Variants in CELF5 observed in about 807,000 individuals in gnomAD.
The protein encoded by CELF5 is CUG-BP and ETR-3 like factor 5.
In CELF5, 6 loss-of-function variants were observed where a neutral mutation model predicts 54.9. The ratio of observed to expected loss-of-function variants is 0.11; its 90% CI spans 0.06 to 0.22. CELF5 has a LOEUF of 0.22. CELF5 is among the 10% of genes least tolerant of loss of function. CELF5 has a pLI of 1.00. For synonymous variants in CELF5, 271 were observed against 290.9 expected (o/e 0.93, Z 0.70); for missense variants, 401 against 678.6 (o/e 0.59, Z 4.54).
intron 9 of CELF5, among the ~76,000 whole-genome samples, chr19:3,285,648 C>T (rs12975068): frequency 8.6e-6 from 1 of 116,676 alleles, no homozygotes; most frequent in African/African-American, 3.1e-5. Context: ...CCCCTCCCCT[C>T]ACGCCATGGG....
At chr19:3,255,247 T>G (rs2079707937) in intron 2 of CELF5, among the ~76,000 whole-genome samples, 1 of 152,106 alleles carries the variant, frequency 6.6e-6, no homozygotes, top group Non-Finnish European at 1.5e-5. Context: ...TGCAGTGGCT[T>G]GATCTCAGCT....
In CELF5 at chr19:3,228,531, C is replaced by A. The variant is rs1917055837; in HGVS notation, c.259+3533C>A. On this transcript the variant is annotated intron_variant, in intron 1 of 12. Transcript: ENST00000292672. This position sits in a 1 kb window ranked among gnomAD's most constrained non-coding sequence, Gnocchi z 6.0. ...TGGTCCGCCGCTGCCACTGGGCCCC[C>A]CGTTTATGGTAATCGCATATACATT... 6.6e-6 allele frequency among the ~76,000 whole-genome samples: 1 copy of A among 152,174 alleles called. No individual in the cohort carries two copies. The highest frequency in any genetic ancestry group is 2.4e-5 in the African/African-American group (1 of 41,430).
intron 2 of CELF5, among the ~76,000 whole-genome samples, chr19:3,263,544 G>A (rs1429708322): frequency 1.3e-5 from 2 of 148,178 alleles, no homozygotes; most frequent in African/African-American, 5.0e-5. Context: ...CTGGGCGACA[G>A]AACAAGACAC....
At chr19:3,254,632 C>A (rs949479338) in intron 2 of CELF5, among the ~76,000 whole-genome samples, 24 of 151,492 alleles carry the variant, frequency 1.6e-4, no homozygotes, top group South Asian at 4.2e-4. Context: ...CATTACCTAC[C>A]CACCCACCCA....
chr19:3,241,521 G>T (rs2079491020), intron 1 of CELF5, among the ~76,000 whole-genome samples: 2 of 151,992 alleles, frequency 1.3e-5, no homozygotes, highest in South Asian at 2.1e-4. Flanking sequence ...TGTGCAGCAA[G>T]GCTGCACACC....
Position 3,281,074 on chromosome 19 carries a change from A to G in CELF5, c.604-125A>G, listed in dbSNP as rs1363936686. 2 of 1,174,716 alleles carry G rather than the reference A, an allele frequency of 1.7e-6. No individual in the cohort carries two copies. The highest frequency in any genetic ancestry group is 2.4e-6 in the Non-Finnish European group (2 of 823,986). 72.8% of individuals were successfully genotyped at this position (1,174,716 alleles called of 1,614,324 possible). ...GCTCCTGGGGTGGGGGCCCGTGGAC[A>G]TGGCTGACAGCCACTGGCATTACAC... On this transcript the variant is annotated intron_variant, in intron 5 of 12. Transcript: ENST00000292672. The surrounding 1 kb of genome is among the most constrained non-coding windows in gnomAD (Gnocchi z 6.5).
intron 1 of CELF5, among the ~76,000 whole-genome samples, chr19:3,237,244 G>A (rs1317197235): frequency 6.7e-6 from 1 of 148,260 alleles, no homozygotes; most frequent in Non-Finnish European, 1.5e-5. Context: ...CCTGGGAGGT[G>A]GAGCTTGCAG....
chr19:3,235,201 T>C (rs1917478004), intron 1 of CELF5, among the ~76,000 whole-genome samples: 1 of 152,190 alleles, frequency 6.6e-6, no homozygotes, highest in Admixed American at 6.5e-5. Context: ...GATACTCACA[T>C]AGCTCCTTCC....
At chr19:3,290,184 G>A (rs1249342715) in intron 10 of CELF5, 47 bp from the exon 11 acceptor site, 13 of 1,580,944 alleles carry the variant, frequency 8.2e-6, no homozygotes, top group East Asian at 4.5e-5. Context: ...GGGGGGGTTC[G>A]CCTCCTCTCC....
chr19:3,240,741 C>T (rs1418734447), intron 1 of CELF5, among the ~76,000 whole-genome samples: 2 of 152,000 alleles, frequency 1.3e-5, no homozygotes, highest in Non-Finnish European at 2.9e-5. Context: ...ACCAGGTTGC[C>T]TTCAGAGCGT....
intron 2 of CELF5, among the ~76,000 whole-genome samples, chr19:3,265,827 G>A (rs137929689): frequency 1.1e-4 from 16 of 151,600 alleles, no homozygotes; most frequent in African/African-American, 3.4e-4. Context: ...TTTTTTTTGA[G>A]ATGGAGTCTC....
chr19:3,277,032 T>C (rs2080067309), intron 4 of CELF5, among the ~76,000 whole-genome samples: 1 of 152,190 alleles, frequency 6.6e-6, no homozygotes, highest in Admixed American at 6.5e-5. Context: ...TGTCTGTCTG[T>C]CTATCTTCCT....
chr19:3,239,538 CT>C (rs1195566320), intron 1 of CELF5, among the ~76,000 whole-genome samples: 8,600 of 144,606 alleles, frequency 0.059, 779 homozygotes, highest in African/African-American at 0.2. Context: ...GCCCGGCTAA[CT>C]TTTTTTTTTT....
Position 3,282,548 on chromosome 19 carries a change from A to G in CELF5, c.1039+50A>G, listed in dbSNP as rs367736409. ...CCTAGGAGAGTGGTGGGGAATAAAG[A>G]TGGTGTTTCTGGAACAAGTATGAGT... On this transcript the variant is annotated intron_variant, in intron 8 of 12. Transcript: ENST00000292672. The surrounding 1 kb of genome is among the most constrained non-coding windows in gnomAD (Gnocchi z 5.2). The G allele has an allele frequency of 1.5e-4, 243 of 1,568,084 alleles. No homozygotes were observed. The highest frequency in any genetic ancestry group is 1.9e-4 in the Non-Finnish European group (220 of 1,158,310).
At chr19:3,248,685 A>G (rs368580500) in intron 1 of CELF5, among the ~76,000 whole-genome samples, 23 of 152,126 alleles carry the variant, frequency 1.5e-4, no homozygotes, top group African/African-American at 5.6e-4. Flanking sequence ...ATTGTTATAC[A>G]AATATCTCTG....
At chr19:3,276,008 G>T (rs1469694766) in intron 4 of CELF5, 24 bp downstream of exon 4, 2 of 1,329,926 alleles carry the variant, frequency 1.5e-6, no homozygotes, top group East Asian at 8.0e-5. Flanking sequence ...GCCGGGGCGG[G>T]ACTGCGAGAG....
intron 2 of CELF5, among the ~76,000 whole-genome samples, chr19:3,259,690 A>T (rs970677320): frequency 2.2e-4 from 34 of 151,870 alleles, no homozygotes; most frequent in African/African-American, 7.7e-4. Flanking sequence ...GGAATCCCCT[A>T]ACCTGGGGAG....
intron 11 of CELF5, among the ~76,000 whole-genome samples, chr19:3,291,749 G>A (rs1382061465): frequency 6.6e-6 from 1 of 151,616 alleles, no homozygotes; most frequent in Non-Finnish European, 1.5e-5. Context: ...AGTGAGGAGG[G>A]GGAGAGAGGG....
At chr19:3,290,165 C>G (rs759596948) in intron 10 of CELF5, 66 bp from the exon 11 acceptor site, 8 of 1,323,780 alleles carry the variant, frequency 6.0e-6, no homozygotes, top group Non-Finnish European at 8.7e-6. Flanking sequence ...AGACCTGTGC[C>G]CCTCCCCCGG....
Sources: gnomAD v4.1 joint callset for allele counts (sites outside exome capture counted in the v4.1 genomes callset) on GRCh38, gnomAD v4.1.1 for gene constraint, Gnocchi (gnomAD v3.1) non-coding constraint, MANE v1.5 for transcripts, NCBI Gene and HGNC (gene_info 2026-07-23, HGNC 2026-07-21) for gene names.